The following ZP1 variants were observed in gnomAD, a reference collection of about 807,000 sequenced individuals.
ZP1 encodes zona pellucida glycoprotein 1, also known as zona pellucida sperm-binding protein 1.
Under a neutral mutation model 67.4 loss-of-function variants are expected in ZP1, and 58 were observed. That is an observed-to-expected ratio of 0.86 (90% CI 0.70 to 1.07). The LOEUF (loss-of-function observed/expected upper bound fraction) is 1.07. ZP1 is among the 50% of genes least tolerant of loss of function. ZP1 has a pLI of 0.00. For missense variants in ZP1, 759 were observed against 807.3 expected (o/e 0.94, Z 0.72); for synonymous variants, 333 against 332.7 (o/e 1.00, Z -0.01).
intron 6 of ZP1, 127 bp from the exon 7 acceptor site, chr11:60,873,035 G>A (rs1855611445): frequency 1.9e-6 from 2 of 1,056,854 alleles, no homozygotes; most frequent in Non-Finnish European, 2.7e-6. Flanking sequence ...TGCTTAAGTA[G>A]CATCCATCTG....
chr11:60,869,012 A>G (rs1855517426), intron 1 of ZP1, 133 bp from the exon 2 acceptor site: 14 of 1,079,588 alleles, frequency 1.3e-5, no homozygotes, highest in Non-Finnish European at 1.7e-5. Context: ...CCAAGACCAC[A>G]CAACAAACTA....
intron 3 of ZP1, 37 bp from the exon 4 acceptor site, chr11:60,870,295 G>A (rs1855541042): frequency 1.3e-6 from 2 of 1,488,004 alleles, no homozygotes; most frequent in South Asian, 2.8e-5. Context: ...TTTGCAAACT[G>A]TGTGCCTTCA....
rs146542167 is a variant in ZP1 at position 60,871,296 on chromosome 11, C to T, written c.1094C>T (p.Thr365Met). 1.3e-5 allele frequency: 21 copies of T among 1,613,848 alleles called. No homozygotes were observed. The highest frequency in any genetic ancestry group is 1.1e-4 in the African/African-American group (8 of 75,076). ...CAAAAGGGGCCACAGGGTTCCATCA[C>T]GCGGGACAGCACCTTCCAGTAAGGG... ...HIQKGPQGSI[T>M]RDSTFQLHVR... The change falls in exon 6 of 12, where the codon ACG becomes ATG. Residue 365 changes from threonine to methionine, a missense_variant. Physicochemically the swap from Thr to Met is moderately conservative, Grantham distance 81. Coordinates refer to ENST00000278853, the MANE Select transcript of ZP1 (RefSeq NM_207341.4).
At chr11:60,872,246 T>C (rs529019589) in intron 6 of ZP1, among the ~76,000 whole-genome samples, 17 of 152,194 alleles carry the variant, frequency 1.1e-4, no homozygotes, top group Admixed American at 1.0e-3. Flanking sequence ...TATGGCCAAG[T>C]GGTGGAGGAC....
chr11:60,874,654 C>T (rs1373782553), intron 9 of ZP1, among the ~76,000 whole-genome samples: 1 of 152,336 alleles, frequency 6.6e-6, no homozygotes. Flanking sequence ...TGGGGCATTA[C>T]GAAGTGCGGT....
rs1417665115 is a variant in ZP1, at chr11:60,869,830, C to A, written c.612C>A (p.Thr204=). 2.5e-6 allele frequency: 4 copies of A among 1,607,618 alleles called. No homozygotes were observed. The highest frequency in any genetic ancestry group is 3.4e-6 in the Non-Finnish European group (4 of 1,176,516). The change falls in exon 3 of 12, where the codon ACC becomes ACA. Residue 204 remains threonine, a synonymous_variant. Coordinates refer to ENST00000278853, the MANE Select transcript of ZP1 (RefSeq NM_207341.4). ...TACCATCCCCTGGACCTGGACCTAC[C>A]CTCGCCACCCTGGCTCAACCCCACT... ...PALPSPGPGP[T]LATLAQPHWG... is the part of the protein sequence containing the mutation.
intron 4 of ZP1, 80 bp from the exon 5 acceptor site, chr11:60,870,877 A>G (rs564135517): frequency 5.4e-6 from 8 of 1,478,802 alleles, no homozygotes; most frequent in Middle Eastern, 1.8e-4. Context: ...CGGCACTTAA[A>G]GCCTGGCTGT....
Position 60,869,160 on chromosome 11 carries a change from G to A in ZP1, c.212G>A (p.Arg71Gln), listed in dbSNP as rs140966353. Reference protein sequence around the residue: ...RFKVVDEFGNRFDVNNCSICY... With the variant: ...RFKVVDEFGNQFDVNNCSICY... ...CCCACTGCAGATGAATTTGGGAACCGATTTGATGTCAACAACTGCTCCATC... is the reference window on the plus strand; with the variant it reads ...CCCACTGCAGATGAATTTGGGAACCAATTTGATGTCAACAACTGCTCCATC... Residue 71 changes from arginine (R) to glutamine (Q), a missense_variant, in exon 2 of 12, where the codon CGA becomes CAA. By Grantham distance (43) the Arg-to-Gln change is conservative (BLOSUM62 1). Coordinates refer to ENST00000278853, the MANE Select transcript of ZP1 (RefSeq NM_207341.4). 3.5e-3 allele frequency: 5,673 copies of A among 1,614,134 alleles called. 15 individuals are homozygous for A. The highest frequency in any genetic ancestry group is 0.012 in the Middle Eastern group (74 of 6,062).
At chr11:60,874,892 G>A (rs966551118) in intron 9 of ZP1, 41 bp from the exon 10 acceptor site, 25 of 1,600,768 alleles carry the variant, frequency 1.6e-5, no homozygotes, top group Non-Finnish European at 2.1e-5. Flanking sequence ...CTGCCCGGTG[G>A]CACTGAGCCA....
chr11:60,875,081 CCACAGGGGCAGGAGA>C, intron 10 of ZP1, 33 bp from the exon 11 acceptor site: 1 of 1,613,352 alleles, frequency 6.2e-7, no homozygotes, highest in Non-Finnish European at 8.5e-7. Flanking sequence ...GGCCTCTGGG[CCACAGGGGCAGGAGA>C]CCAGCCCAAG....
rs577510696 is a variant in ZP1 at position 60,868,997 on chromosome 11, C to T, written c.197-148C>T. 2.8e-4 allele frequency: 246 copies of T among 874,122 alleles called. 2 individuals are homozygous for T. In the Middle Eastern group the frequency reaches 4.2e-3, roughly 15 times the overall value. 54.1% of individuals were successfully genotyped at this position (874,122 alleles called of 1,614,324 possible). On this transcript the variant is annotated intron_variant, in intron 1 of 11. Transcript: ENST00000278853. ...AACTGAGAGCAGAGAGGGGAGGGGG[C>T]TTGCCCAAGACCACACAACAAACTA... is the stretch of plus-strand genomic sequence containing the variant.
At chr11:60,874,474 T>G (rs552569475) in intron 9 of ZP1, among the ~76,000 whole-genome samples, 3 of 152,176 alleles carry the variant, frequency 2.0e-5, no homozygotes, top group African/African-American at 4.8e-5. Context: ...GTCACTGGTC[T>G]CCAGGGGTCA....
chr11:60,868,452 C>T (rs1565102091), intron 1 of ZP1, among the ~76,000 whole-genome samples: 1 of 152,312 alleles, frequency 6.6e-6, no homozygotes, highest in South Asian at 2.1e-4. Context: ...GGGTTTAGAA[C>T]TGGGGTTTGG....
At chr11:60,867,822 G>A in intron 1 of ZP1, 65 bp downstream of exon 1, 1 of 1,550,872 alleles carries the variant, frequency 6.4e-7, no homozygotes. Context: ...AAGGGAGCTG[G>A]GACCCTTCCC....
chr11:60,869,294 G>A (rs1403860477), intron 2 of ZP1, 28 bp downstream of exon 2: 5 of 1,613,482 alleles, frequency 3.1e-6, no homozygotes, highest in Non-Finnish European at 4.2e-6. Flanking sequence ...TCTGGCACAG[G>A]GGCAAGCTTG....
intron 6 of ZP1, 78 bp from the exon 7 acceptor site, chr11:60,873,084 T>G (rs1855612225): frequency 2.0e-6 from 3 of 1,478,112 alleles, no homozygotes; most frequent in Admixed American, 4.5e-5. Context: ...ACCCACGGAG[T>G]TGGTGCCTAG....
chr11:60,868,548 A>T lies in ZP1; in HGVS notation c.197-597A>T, dbSNP rs147857950. Reference sequence around the variant, plus strand: ...CCTCATCTGCAAGGTGGGGAAGATGAACCTGGCCGTGCTCATGGAACAAGG... The same window carrying T: ...CCTCATCTGCAAGGTGGGGAAGATGTACCTGGCCGTGCTCATGGAACAAGG... On this transcript the variant is annotated intron_variant, in intron 1 of 11. Transcript: ENST00000278853. Among the ~76,000 whole-genome samples, 216 of 152,288 alleles carry T rather than the reference A, an allele frequency of 1.4e-3. 1 individual carries two copies. The highest frequency in any genetic ancestry group is 4.7e-3 in the African/African-American group (194 of 41,572).
chr11:60,870,627 G>A (rs1017490864), intron 4 of ZP1, 152 bp downstream of exon 4: 29 of 1,008,952 alleles, frequency 2.9e-5, no homozygotes, highest in African/African-American at 8.1e-5. Context: ...TAGATGGGGC[G>A]GTCACATGTC....
At position 60,867,776 on chromosome 11, in the gene ZP1, C is replaced by G; in HGVS notation, c.196+19C>G. ...GTGGTGGGTGAGTGCTGGCAGAGTC[C>G]TGGCCCCTGCCTCCCTGGCCACGGG... On this transcript the variant is annotated intron_variant, in intron 1 of 11. Transcript: ENST00000278853. 6.2e-7 allele frequency: 1 copy of G among 1,606,482 alleles called. No homozygotes were observed. The highest frequency in any genetic ancestry group is 8.5e-7 in the Non-Finnish European group (1 of 1,176,782).
Sources: allele counts gnomAD v4.1 joint callset (sites outside exome capture counted in the v4.1 genomes callset), GRCh38; gene constraint gnomAD v4.1.1; transcripts MANE v1.5; gene names NCBI Gene and HGNC (gene_info 2026-07-23, HGNC 2026-07-21).